Variants in MYH1 observed in about 807,000 individuals in gnomAD.
MYH1 encodes myosin-1.
MYH1 carries 214 observed loss-of-function variants against 225.6 expected under a neutral mutation model. The ratio of observed to expected loss-of-function variants is 0.95; its 90% CI spans 0.85 to 1.06. MYH1 has a LOEUF of 1.06. Among genes scored for constraint, MYH1 ranks in the 50% least tolerant of loss-of-function variants. The pLI is 0.00. For missense variants in MYH1, 2,098 were observed against 2,344.2 expected, an observed-to-expected ratio of 0.89 and a Z score of 2.17; for synonymous variants, 774 against 842.3, an observed-to-expected ratio of 0.92 and a Z score of 1.40.
rs962798304 is a variant in MYH1, at chr17:10,513,847, C to T, written c.715G>A (p.Val239Met). 8.1e-6 allele frequency: 13 copies of T among 1,614,016 alleles called. 1 individual carries two copies. Among genetic ancestry groups the T allele is most frequent in the East Asian group, 4.5e-5 (2 of 44,884 alleles). Residue 239 changes from valine (V) to methionine (M), a missense_variant, in exon 8 of 40, where the codon GTG (valine) becomes ATG (methionine). Coordinates refer to ENST00000226207, the MANE Select transcript of MYH1 (RefSeq NM_005963.4). ...AAGCGAGAGGAGTTGTCATTCCTCA[C>T]GGTCTTGGCGTTGCCAAAGGCCTCC... ...LLEAFGNAKT[V>M]RNDNSSRFGK... is the part of the protein sequence containing the mutation.
In MYH1 at chr17:10,495,934, C is replaced by G; in HGVS notation, c.5169+16G>C. 1 of 1,613,916 alleles carries G rather than the reference C, an allele frequency of 6.2e-7. No homozygotes were observed. The highest frequency in any genetic ancestry group is 1.1e-5 in the South Asian group (1 of 91,068). Reference sequence around the variant, plus strand: ...TCATACCCTTGTATTTGTTGCTATTCTATTATTACATGCACCTGGGTGTGC... The same window carrying G: ...TCATACCCTTGTATTTGTTGCTATTGTATTATTACATGCACCTGGGTGTGC... On this transcript the variant is annotated intron_variant, in intron 35 of 39. Transcript: ENST00000226207.
rs1001148455 is a variant in MYH1, at chr17:10,506,251, C to T, written c.1969-152G>A. ...CAAAGAGTTATCTCTGGAATTTCCA[C>T]ATTCCTAATATGTCCCCCTGTTTTC... On this transcript the variant is annotated intron_variant, in intron 17 of 39. Coordinates refer to ENST00000226207, the MANE Select transcript of MYH1 (RefSeq NM_005963.4). The T allele has an allele frequency of 7.0e-6, 7 of 993,574 alleles. No homozygotes were observed. The East Asian group carries it at 1.8e-4, about 26-fold the overall frequency. The allele number at this position is 993,574 out of a possible 1,614,324, so 61.5% of individuals were successfully genotyped here.
intron 24 of MYH1, 131 bp from the exon 25 acceptor site, chr17:10,502,042 C>A: frequency 1.1e-6 from 1 of 929,300 alleles, no homozygotes. Flanking sequence ...CCCATTGATT[C>A]CATTCTCCTT....
At chr17:10,507,753 T>TA in intron 17 of MYH1, 133 bp downstream of exon 17, 1 of 750,530 alleles carries the variant, frequency 1.3e-6, no homozygotes, top group Non-Finnish European at 2.3e-6. Context: ...AACTCAGTCT[T>TA]ACCACTACCA....
At position 10,501,957 on chromosome 17, in the gene MYH1, C is replaced by T. The variant is rs753176215; in HGVS notation, c.3112-46G>A. Reference sequence around the variant, plus strand: ...AATATGGTTCTTAGAATGGTAGCACCTTTTGTCCCAGATGAAATTTTTAAA... The same window carrying T: ...AATATGGTTCTTAGAATGGTAGCACTTTTTGTCCCAGATGAAATTTTTAAA... On this transcript the variant is annotated intron_variant, in intron 24 of 39. Coordinates refer to ENST00000226207, the MANE Select transcript of MYH1 (RefSeq NM_005963.4). The T allele has an allele frequency of 1.9e-6, 3 of 1,546,844 alleles. No individual in the cohort carries two copies. In the South Asian group the frequency reaches 3.7e-5, roughly 19 times the overall value.
At chr17:10,499,769 A>C (rs2073033443) in intron 28 of MYH1, among the ~76,000 whole-genome samples, 1 of 152,224 alleles carries the variant, frequency 6.6e-6, no homozygotes, top group Non-Finnish European at 1.5e-5. Flanking sequence ...GGCATTTAAT[A>C]AGAATTATAA....
Position 10,514,939 on chromosome 17 carries a change from CA to C in MYH1, c.506-45del, listed in dbSNP as rs770357085. ...AAAATCAGCATATGTATCAGTTACA[CA>C]AACAAAACTTTCTATAGTGAAACAG... is the stretch of plus-strand genomic sequence containing the variant. On this transcript the variant is annotated intron_variant, in intron 5 of 39. Coordinates refer to ENST00000226207, the MANE Select transcript of MYH1 (RefSeq NM_005963.4). The C allele has an allele frequency of 1.0e-5, 16 of 1,579,488 alleles. No individual in the cohort carries two copies. The African/African-American group carries it at 1.2e-4, about 12-fold the overall frequency.
rs774164664 is a variant in MYH1 at position 10,499,027 on chromosome 17, C to T, written c.3931G>A (p.Ala1311Thr). 1.3e-5 allele frequency: 21 copies of T among 1,614,166 alleles called. No homozygotes were observed. Among genetic ancestry groups the T allele is most frequent in the Non-Finnish European group, 1.8e-5 (21 of 1,180,014 alleles). ...AGTTCCTCAATCTGTTGTGTAAAGG[C>T]TTGTTTGCCCCTCGAGAGCTGTGAA... ...LVSQLSRGKQ[A>T]FTQQIEELKR... Residue 1311 changes from alanine to threonine, a missense_variant, in exon 29 of 40, where the codon GCC becomes ACC. Transcript: ENST00000226207.
chr17:10,512,639 C>T lies in MYH1; in HGVS notation c.1008+42G>A, dbSNP rs201200406. The T allele has an allele frequency of 1.2e-4, 195 of 1,610,690 alleles. No individual in the cohort carries two copies. In the African/African-American group the frequency reaches 2.3e-3, roughly 19 times the overall value. On this transcript the variant is annotated intron_variant, in intron 11 of 39. Coordinates refer to ENST00000226207, the MANE Select transcript of MYH1 (RefSeq NM_005963.4). ...TATAGATGGCTGTTATTGCCATTCCCATGCATAATGGATTTTAAATTAAAA... is the reference window on the plus strand; with the variant it reads ...TATAGATGGCTGTTATTGCCATTCCTATGCATAATGGATTTTAAATTAAAA...
chr17:10,495,527 C>G (rs776328850), intron 35 of MYH1, among the ~76,000 whole-genome samples: 6 of 151,562 alleles, frequency 4.0e-5, no homozygotes, highest in Non-Finnish European at 8.8e-5. Flanking sequence ...TTTGGGAGGC[C>G]GAGGCGGGTG....
At chr17:10,515,846 TAAAGG>T in intron 5 of MYH1, 75 bp downstream of exon 5, 1 of 1,607,242 alleles carries the variant, frequency 6.2e-7, no homozygotes, top group South Asian at 1.1e-5. Context: ...GGTTTTTTTC[TAAAGG>T]TCTTTTTTTA....
chr17:10,512,606 TAC>T lies in MYH1; in HGVS notation c.1009-62_1009-61del, dbSNP rs1030915137. Reference sequence around the variant, plus strand: ...ACAAGAGAATTTATACTGTATCTTTTACACACATATAGATGGCTGTTATTGCC... The same window carrying T: ...ACAAGAGAATTTATACTGTATCTTTTACACATATAGATGGCTGTTATTGCC... On this transcript the variant is annotated intron_variant, in intron 11 of 39. Transcript: ENST00000226207. 9 of 1,611,894 alleles carry T rather than the reference TAC, an allele frequency of 5.6e-6. No individual in the cohort carries two copies. In the African/African-American group the frequency reaches 1.2e-4, roughly 22 times the overall value.
intron 33 of MYH1, 146 bp downstream of exon 33, chr17:10,496,923 G>T: frequency 9.3e-7 from 1 of 1,077,444 alleles, no homozygotes; most frequent in Non-Finnish European, 1.3e-6. Flanking sequence ...TGGTTATGTT[G>T]GTTGTATGCA....
rs369850079 is a variant in MYH1, at chr17:10,497,785, C to T, written c.4314G>A (p.Arg1438=). 1.9e-6 allele frequency: 3 copies of T among 1,614,012 alleles called. No individual in the cohort carries two copies. The highest frequency in any genetic ancestry group is 2.5e-6 in the Non-Finnish European group (3 of 1,180,038). The part of the protein sequence containing the change: ...EVEDLMIDVE[R]TNAACAALDK... ...CCAGGGCGGCACAGGCAGCATTTGT[C>T]CTCTCAACATCAATCATGAGGTCCT... The change falls in exon 31 of 40, where the codon AGG becomes AGA. Residue 1438 remains arginine, a synonymous_variant. Coordinates refer to ENST00000226207, the MANE Select transcript of MYH1 (RefSeq NM_005963.4).
intron 12 of MYH1, 81 bp downstream of exon 12, chr17:10,512,327 C>A: frequency 1.9e-6 from 3 of 1,608,226 alleles, no homozygotes; most frequent in Middle Eastern, 1.7e-4. Context: ...AGGAGCTCAG[C>A]TGTAAAGAAG....
In MYH1 at chr17:10,508,750, C is replaced by T. The variant is rs2073142371; in HGVS notation, c.1588-78G>A. ...ATAACATTTAACATTAATAATTATC[C>T]CATCTGAGTAAATTCATCCTTTAAT... On this transcript the variant is annotated intron_variant, in intron 15 of 39. Coordinates refer to ENST00000226207, the MANE Select transcript of MYH1 (RefSeq NM_005963.4). The T allele has an allele frequency of 3.3e-6, 5 of 1,527,002 alleles. No individual in the cohort carries two copies. In the African/African-American group the frequency reaches 4.2e-5, roughly 13 times the overall value. The allele number at this position is 1,527,002 out of a possible 1,614,324, so 94.6% of individuals were successfully genotyped here.
chr17:10,512,304 G>C, intron 12 of MYH1, 104 bp downstream of exon 12: 3 of 1,596,920 alleles, frequency 1.9e-6, no homozygotes, highest in Non-Finnish European at 2.6e-6. Flanking sequence ...GGGTACATCT[G>C]AGTATGTCCA....
rs576815216 is a variant in MYH1, at chr17:10,505,967, A to G, written c.2057-38T>C. On this transcript the variant is annotated intron_variant, in intron 18 of 39. Transcript: ENST00000226207. Reference sequence around the variant, plus strand: ...ATCCACATGCCATACTTCGTGGTCTATCACACACACACTGGAGCTTGTCTG... The same window carrying G: ...ATCCACATGCCATACTTCGTGGTCTGTCACACACACACTGGAGCTTGTCTG... The G allele has an allele frequency of 1.2e-4, 199 of 1,614,176 alleles. 1 individual carries two copies. The South Asian group carries it at 1.9e-3, about 15-fold the overall frequency.
chr17:10,497,611 C>G, intron 31 of MYH1, 123 bp downstream of exon 31: 1 of 1,502,004 alleles, frequency 6.7e-7, no homozygotes, highest in Admixed American at 2.2e-5. Flanking sequence ...TCTCCACAGA[C>G]AGCTGCTGAT....
Sources: allele counts gnomAD v4.1 joint callset (sites outside exome capture counted in the v4.1 genomes callset), GRCh38; gene constraint gnomAD v4.1.1; transcripts MANE v1.5; gene names NCBI Gene and HGNC (gene_info 2026-07-23, HGNC 2026-07-21).